Variants in PMFBP1 observed in about 807,000 individuals in gnomAD.
PMFBP1 encodes polyamine-modulated factor 1-binding protein 1.
Under a neutral mutation model 137.8 loss-of-function variants are expected in PMFBP1, and 131 were observed. The observed-to-expected ratio is 0.95, with a 90% CI of 0.82 to 1.10. The LOEUF (loss-of-function observed/expected upper bound fraction) is 1.10. Ranked by LOEUF, PMFBP1 falls within the 50% of genes least tolerant of loss-of-function variation. The pLI is 0.00. For missense variants in PMFBP1, 1,199 were observed against 1,175.4 expected, an observed-to-expected ratio of 1.02 and a Z score of -0.29; for synonymous variants, 490 against 450.4, an observed-to-expected ratio of 1.09 and a Z score of -1.11.
At chr16:72,200,204 C>T in the PMFBP1 span, among the ~76,000 whole-genome samples, 5 of 152,258 alleles carry the variant, frequency 3.3e-5, no homozygotes, top group African/African-American at 9.6e-5. Flanking sequence ...AGCCAGTCCT[C>T]TGACTCCTAT....
chr16:72,198,247 A>T, the PMFBP1 span, among the ~76,000 whole-genome samples: 1 of 152,180 alleles, frequency 6.6e-6, no homozygotes. Flanking sequence ...ATACTAACAC[A>T]TCATAGAGTG....
At position 72,139,366 on chromosome 16, in the gene PMFBP1, G is replaced by A. The variant is rs763272588; in HGVS notation, c.841C>T (p.Gln281Ter). The change falls in exon 7 of 21, where the codon CAA (glutamine) becomes TAA (stop). Residue 281 changes from glutamine to a stop codon, truncating the protein, a stop_gained. Coordinates refer to ENST00000237353, the MANE Select transcript of PMFBP1 (RefSeq NM_031293.3). LOFTEE classifies it high-confidence loss of function. The stretch of plus-strand genomic sequence containing the variant: ...GCTGTACAGGAAGCAAAATCGGCTT[G>A]TAGTTTTATCAAAGCCTTTTCACGC... ...LEREKALIKLQADFASCTATH... is the reference protein window; with the variant it reads ...LEREKALIKL The A allele has an allele frequency of 9.5e-5, 154 of 1,613,984 alleles. No individual in the cohort carries two copies. The highest frequency in any genetic ancestry group is 1.3e-4 in the South Asian group (12 of 91,050).
chr16:72,154,602 A>G (rs1486581521), intron 3 of PMFBP1, 143 bp from the exon 4 acceptor site: 2 of 979,718 alleles, frequency 2.0e-6, no homozygotes, highest in East Asian at 5.1e-5. Flanking sequence ...ATCTTATTAA[A>G]CATTTCACTC....
At chr16:72,122,016 A>G (rs1448675398) in intron 19 of PMFBP1, among the ~76,000 whole-genome samples, 4 of 152,130 alleles carry the variant, frequency 2.6e-5, no homozygotes, top group Admixed American at 2.6e-4. Flanking sequence ...CCAGTACCCA[A>G]TAGTTATCTT....
chr16:72,134,479 C>A (rs1247669458), intron 9 of PMFBP1, among the ~76,000 whole-genome samples: 6 of 152,222 alleles, frequency 3.9e-5, no homozygotes, highest in Non-Finnish European at 5.9e-5. Flanking sequence ...CCACTGCGCC[C>A]AGCTAGAGAG....
At chr16:72,188,241 C>T in the PMFBP1 span, among the ~76,000 whole-genome samples, 1 of 152,160 alleles carries the variant, frequency 6.6e-6, no homozygotes, top group Admixed American at 6.5e-5. Context: ...GTTATATGCT[C>T]GATTGGGCTA....
chr16:72,130,685 C>A lies in PMFBP1; in HGVS notation c.1485G>T (p.Leu495=), dbSNP rs1378027557. The A allele has an allele frequency of 1.2e-6, 2 of 1,613,608 alleles. No homozygotes were observed. Among genetic ancestry groups the A allele is most frequent in the East Asian group, 4.5e-5 (2 of 44,868 alleles). Residue 495 remains leucine, a synonymous_variant, in exon 11 of 21, where the codon CTG becomes CTT. Transcript: ENST00000237353. ...QAAQCKEEAA[L]AGCHLEDTQR... ...GGGTGTCCTCCAGGTGACAGCCTGCCAGTGCAGCCTCTTCTTTGCACTGGG... is the reference window on the plus strand; with the variant it reads ...GGGTGTCCTCCAGGTGACAGCCTGCAAGTGCAGCCTCTTCTTTGCACTGGG...
chr16:72,180,101 G>A (rs1202842600), upstream of PMFBP1, among the ~76,000 whole-genome samples: 1 of 152,134 alleles, frequency 6.6e-6, no homozygotes, highest in Non-Finnish European at 1.5e-5. Flanking sequence ...GCAACCTCCT[G>A]TAAGGGCTCA....
At chr16:72,219,719 A>C in the PMFBP1 span, among the ~76,000 whole-genome samples, 2 of 152,214 alleles carry the variant, frequency 1.3e-5, no homozygotes, top group African/African-American at 4.8e-5. Context: ...GATGAGATAC[A>C]GGTTTGGAAT....
intron 5 of PMFBP1, among the ~76,000 whole-genome samples, chr16:72,148,290 T>G (rs1455963152): frequency 6.6e-6 from 1 of 150,446 alleles, no homozygotes; most frequent in African/African-American, 2.5e-5. Context: ...AAACACCGCA[T>G]GTTCTCACTC....
the PMFBP1 span, among the ~76,000 whole-genome samples, chr16:72,238,165 C>A: frequency 6.6e-6 from 1 of 152,038 alleles, no homozygotes; most frequent in Non-Finnish European, 1.5e-5. Flanking sequence ...GGGTATATAC[C>A]CAGTAATGGG....
chr16:72,156,502 C>A (rs1321073463), intron 3 of PMFBP1, among the ~76,000 whole-genome samples: 1 of 151,868 alleles, frequency 6.6e-6, no homozygotes, highest in African/African-American at 2.4e-5. Flanking sequence ...CGCCTGTAGT[C>A]CCAGCTACTC....
At chr16:72,201,908 C>A in the PMFBP1 span, among the ~76,000 whole-genome samples, 3 of 152,214 alleles carry the variant, frequency 2.0e-5, no homozygotes, top group Admixed American at 2.0e-4. Context: ...GAAGGCCTCC[C>A]AGATCCTTCT....
chr16:72,188,084 C>T, the PMFBP1 span, among the ~76,000 whole-genome samples: 4 of 152,148 alleles, frequency 2.6e-5, no homozygotes, highest in South Asian at 2.1e-4. Context: ...TATAGAATGC[C>T]GTCAGCCAAT....
the PMFBP1 span, among the ~76,000 whole-genome samples, chr16:72,220,591 A>G: frequency 1.3e-5 from 2 of 152,218 alleles, no homozygotes; most frequent in African/African-American, 4.8e-5. Flanking sequence ...TTTAATGACT[A>G]TTTAATCAGA....
the PMFBP1 span, among the ~76,000 whole-genome samples, chr16:72,246,920 C>A: frequency 6.6e-6 from 1 of 152,126 alleles, no homozygotes; most frequent in Non-Finnish European, 1.5e-5. Flanking sequence ...GTTTTACTAA[C>A]AAGAGAAAGA....
At chr16:72,125,198 C>T (rs2042436257) in intron 16 of PMFBP1, 40 bp downstream of exon 16, 4 of 1,596,348 alleles carry the variant, frequency 2.5e-6, no homozygotes, top group Non-Finnish European at 3.4e-6. Flanking sequence ...CTTGTGGACC[C>T]CTACCAGGAA....
the PMFBP1 span, among the ~76,000 whole-genome samples, chr16:72,208,506 T>A: frequency 1.3e-5 from 2 of 152,266 alleles, no homozygotes; most frequent in South Asian, 4.1e-4. Context: ...TCTAATTATA[T>A]TTTCCCAAAG....
upstream of PMFBP1, among the ~76,000 whole-genome samples, chr16:72,177,953 G>T (rs1211651958): frequency 6.6e-6 from 1 of 152,048 alleles, no homozygotes; most frequent in Non-Finnish European, 1.5e-5. Context: ...GTGCAGTGGT[G>T]TGAACATGGC....
Sources: gnomAD v4.1 joint callset for allele counts (sites outside exome capture counted in the v4.1 genomes callset) on GRCh38, gnomAD v4.1.1 for gene constraint, MANE v1.5 for transcripts, NCBI Gene and HGNC (gene_info 2026-07-23, HGNC 2026-07-21) for gene names.